Variants in KIF3A observed in about 807,000 individuals in gnomAD.
KIF3A encodes kinesin-like protein KIF3A.
In KIF3A, 27 loss-of-function variants were observed where a neutral mutation model predicts 92.6. The ratio of observed to expected loss-of-function variants is 0.29; its 90% CI spans 0.21 to 0.40. The LOEUF is 0.40. Ranked by LOEUF, KIF3A falls within the 10% of genes least tolerant of loss-of-function variation. KIF3A has a pLI of 1.00. For missense variants in KIF3A, 581 were observed against 872.6 expected, an observed-to-expected ratio of 0.67 and a Z score of 4.21; for synonymous variants, 250 against 275.4, an observed-to-expected ratio of 0.91 and a Z score of 0.92.
chr5:132,736,440 GTGTCTTACGTCTGTAAATA>G (rs1754391433), intron 1 of KIF3A, among the ~76,000 whole-genome samples: 1 of 152,102 alleles, frequency 6.6e-6, no homozygotes, highest in Non-Finnish European at 1.5e-5. Flanking sequence ...TTAAGGTTTT[GTGTCTTACGTCTGTAAATA>G]TGTATGATTT....
At chr5:132,713,545 T>C (rs1753504092) in intron 8 of KIF3A, among the ~76,000 whole-genome samples, 2 of 152,148 alleles carry the variant, frequency 1.3e-5, no homozygotes, top group African/African-American at 4.8e-5. Flanking sequence ...TAAAAAGAAA[T>C]GTCATAAGAG....
At position 132,703,545 on chromosome 5, in the gene KIF3A, T is replaced by C. The variant is rs1753114614; in HGVS notation, c.1384A>G (p.Thr462Ala). Residue 462 changes from threonine (T) to alanine (A), a missense_variant, in exon 12 of 19, where the codon ACA (threonine) becomes GCA (alanine). This residue lies in a region of KIF3A where 167 missense variants were observed against 205.8 expected (regional missense o/e 0.81). Transcript: ENST00000403231. The part of the protein sequence containing the change: ...KIDEERKALE[T>A]KLDMEEEERN... ...TCTTCTTCTTCCATGTCGAGCTTTG[T>C]TTCAAGTGCTTTTCTCTCCTCATCA... The C allele has an allele frequency of 6.2e-7, 1 of 1,612,710 alleles. No individual in the cohort carries two copies. The highest frequency in any genetic ancestry group is 1.1e-5 in the South Asian group (1 of 90,966).
intron 2 of KIF3A, among the ~76,000 whole-genome samples, chr5:132,727,759 A>G (rs566002996): frequency 6.6e-6 from 1 of 152,336 alleles, no homozygotes; most frequent in South Asian, 2.1e-4. Flanking sequence ...GGAGAAAACC[A>G]AGGGTCGATG....
At chr5:132,721,976 T>C (rs1258805800) in intron 4 of KIF3A, among the ~76,000 whole-genome samples, 2 of 152,234 alleles carry the variant, frequency 1.3e-5, no homozygotes, top group Admixed American at 6.5e-5. Flanking sequence ...ATATCAATGC[T>C]TCTCAAAAAA....
chr5:132,711,729 C>T (rs930794960), intron 8 of KIF3A, among the ~76,000 whole-genome samples: 2 of 152,064 alleles, frequency 1.3e-5, no homozygotes, highest in Middle Eastern at 6.8e-3. Context: ...AAACAGCTTC[C>T]TGTTTAAGAT....
chr5:132,716,920 A>G lies in KIF3A; in HGVS notation c.681T>C (p.Thr227=), dbSNP rs1280632353. 4 of 1,613,864 alleles carry G rather than the reference A, an allele frequency of 2.5e-6. No homozygotes were observed. Among genetic ancestry groups the G allele is most frequent in the Non-Finnish European group, 3.4e-6 (4 of 1,179,794 alleles). ...SSRSHAIFTI[T]IECSEKGIDG... Reference sequence around the variant, plus strand: ...CAATGCCTTTTTCACTGCATTCTATAGTAATTGTAAAGATGGCATGGGAAC... The same window carrying G: ...CAATGCCTTTTTCACTGCATTCTATGGTAATTGTAAAGATGGCATGGGAAC... The change falls in exon 6 of 19, where the codon ACT becomes ACC. Residue 227 remains threonine (T), a synonymous_variant. Transcript: ENST00000403231.
rs558975245 is a variant in KIF3A at position 132,711,880 on chromosome 5, A to G, written c.1130-823T>C. ...ACAAAGACAGTGTTAACTACACATT[A>G]ACTTAAAGATAAAAAACAAAAAAGG... On this transcript the variant is annotated intron_variant, in intron 8 of 18. Coordinates refer to ENST00000403231, the MANE Select transcript of KIF3A (RefSeq NM_001300791.2). 4.0e-5 allele frequency among the ~76,000 whole-genome samples: 6 copies of G among 149,294 alleles called. No homozygotes were observed. The East Asian group carries it at 1.2e-3, about 29-fold the overall frequency.
chr5:132,702,743 T>C lies in KIF3A; in HGVS notation c.1648-75A>G, dbSNP rs565719916. 135 of 1,324,654 alleles carry C rather than the reference T, an allele frequency of 1.0e-4. 2 individuals are homozygous for C. The South Asian group carries it at 1.6e-3, about 16-fold the overall frequency. The allele number at this position is 1,324,654 out of a possible 1,614,324, so 82.1% of individuals were successfully genotyped here. A position where few individuals can be genotyped will look rare whatever the true frequency, so the allele number is the denominator to read the frequency against. On this transcript the variant is annotated intron_variant, in intron 13 of 18. Coordinates refer to ENST00000403231, the MANE Select transcript of KIF3A (RefSeq NM_001300791.2). ...ATATCTAATTCTTTAACAAATGACA[T>C]AAATGTTTAGCAAATCTGATCTTCA...
intron 18 of KIF3A, chr5:132,697,858 C>T (rs1349020269): frequency 1.3e-5 from 2 of 152,212 alleles, no homozygotes; most frequent in Non-Finnish European, 2.9e-5. Flanking sequence ...GGACTGCTCA[C>T]CACTGCCAAT....
In KIF3A at chr5:132,734,307, T is replaced by C; in HGVS notation, c.178A>G (p.Thr60Ala). 2 of 1,614,096 alleles carry C rather than the reference T, an allele frequency of 1.2e-6. No homozygotes were observed. The highest frequency in any genetic ancestry group is 1.7e-6 in the Non-Finnish European group (2 of 1,179,982). The change falls in exon 2 of 19, where the codon ACA (threonine) becomes GCA (alanine). Residue 60 changes from threonine to alanine, a missense_variant. Coordinates refer to ENST00000403231, the MANE Select transcript of KIF3A (RefSeq NM_001300791.2). ...CCAAAAACAGTATCAAAAGTAAATG[T>C]CTTTGGAGGTTCATTGGAAGAATCA... ...KTDSSNEPPK[T>A]FTFDTVFGPE...
downstream of KIF3A, chr5:132,689,783 C>A (rs926164615): frequency 1.3e-5 from 2 of 152,262 alleles, no homozygotes; most frequent in Non-Finnish European, 2.9e-5. Context: ...GATTTATTAT[C>A]TTGTACATGC....
intron 2 of KIF3A, among the ~76,000 whole-genome samples, chr5:132,727,729 T>C (rs966023099): frequency 6.6e-6 from 1 of 152,178 alleles, no homozygotes; most frequent in African/African-American, 2.4e-5. Context: ...TCACTATGGC[T>C]ATATTGTGGA....
rs1446580289 is a variant in KIF3A, at chr5:132,702,198, T to C, written c.1773A>G (p.Gln591=). 1.2e-5 allele frequency: 19 copies of C among 1,613,266 alleles called. No individual in the cohort carries two copies. The highest frequency in any genetic ancestry group is 1.6e-5 in the Non-Finnish European group (19 of 1,179,510). Reference sequence around the variant, plus strand: ...CTTCAATTTCCCTCTGATGTTCTTGTTGGAGATCAGCCATCTACCAGAAAA... The same window carrying C: ...CTTCAATTTCCCTCTGATGTTCTTGCTGGAGATCAGCCATCTACCAGAAAA... The part of the protein sequence containing the change: ...MAAKSEMADL[Q]QEHQREIEGL... The change falls in exon 15 of 19, where the codon CAA becomes CAG. Residue 591 remains glutamine (Q), a synonymous_variant. Coordinates refer to ENST00000403231, the MANE Select transcript of KIF3A (RefSeq NM_001300791.2).
intron 10 of KIF3A, among the ~76,000 whole-genome samples, chr5:132,708,319 A>C (rs1753295461): frequency 6.6e-6 from 1 of 151,906 alleles, no homozygotes; most frequent in South Asian, 2.1e-4. Context: ...TTTTCTTAAA[A>C]TCTATCAGGT....
rs374045176 is a variant in KIF3A, at chr5:132,734,372, C to T, written c.113G>A (p.Ser38Asn). 2 of 1,614,064 alleles carry T rather than the reference C, an allele frequency of 1.2e-6. No individual in the cohort carries two copies. The highest frequency in any genetic ancestry group is 2.2e-5 in the East Asian group (1 of 44,892). ...EKSMCYKQAVSVDEMRGTITV... is the reference protein window; with the variant it reads ...EKSMCYKQAVNVDEMRGTITV... ...GATAGTTCCCCTCATCTCATCCACA[C>T]TGACAGCCTGTTTGTAGCACATTGA... Residue 38 changes from serine (S) to asparagine (N), a missense_variant, in exon 2 of 19, where the codon AGT becomes AAT. Coordinates refer to ENST00000403231, the MANE Select transcript of KIF3A (RefSeq NM_001300791.2).
intron 9 of KIF3A, among the ~76,000 whole-genome samples, chr5:132,709,901 G>A (rs908497855): frequency 6.6e-6 from 1 of 152,154 alleles, no homozygotes; most frequent in Non-Finnish European, 1.5e-5. Flanking sequence ...GTCTTTTGAA[G>A]TTACAAAATC....
intron 1 of KIF3A, among the ~76,000 whole-genome samples, chr5:132,735,917 T>C (rs769973043): frequency 1.6e-4 from 24 of 152,248 alleles, no homozygotes; most frequent in Non-Finnish European, 2.5e-4. Flanking sequence ...ACTGAGCTGC[T>C]TGGCCTTTTC....
intron 10 of KIF3A, among the ~76,000 whole-genome samples, chr5:132,707,494 TAA>T (rs3216214): frequency 0.59 from 89,118 of 151,792 alleles, 28,376 homozygotes; most frequent in Non-Finnish European, 0.73. Context: ...CTTTAAGAAT[TAA>T]GTTTTAAAAC....
chr5:132,701,622 T>G (rs1005901834), intron 15 of KIF3A, among the ~76,000 whole-genome samples: 13 of 151,848 alleles, frequency 8.6e-5, no homozygotes, highest in African/African-American at 3.1e-4. Context: ...AGAATTAGCA[T>G]CCATCTGGAG....
Sources: allele counts gnomAD v4.1 joint callset (sites outside exome capture counted in the v4.1 genomes callset), GRCh38; gene constraint gnomAD v4.1.1; regional missense constraint gnomAD v4.1.1; transcripts MANE v1.5; gene names NCBI Gene and HGNC (gene_info 2026-07-23, HGNC 2026-07-21).